The following MECOM variants were observed in gnomAD, a reference collection of about 807,000 sequenced individuals.
MECOM encodes the protein histone-lysine N-methyltransferase MECOM.
In MECOM, 13 loss-of-function variants were observed where a neutral mutation model predicts 116.3. The observed-to-expected ratio is 0.11, with a 90% CI of 0.07 to 0.18. The LOEUF is 0.18. Among genes scored for constraint, MECOM ranks in the 10% least tolerant of loss-of-function variants. The pLI, the probability that MECOM is intolerant of heterozygous loss-of-function variation, is 1.00. For missense variants in MECOM, 1,299 were observed against 1,509.0 expected (o/e 0.86, Z 2.31); for synonymous variants, 528 against 535.2 (o/e 0.99, Z 0.19).
rs765295353 is a variant in MECOM at position 169,115,604 on chromosome 3, T to C, written c.2268A>G (p.Pro756=). The change falls in exon 8 of 17, where the codon CCA becomes CCG. Residue 756 remains proline, a synonymous_variant. Coordinates refer to ENST00000651503, the MANE Select transcript of MECOM (RefSeq NM_004991.4). ...TKRKDEKPLT[P]VPSKPPVTPA... is the part of the protein sequence containing the mutation. ...GTGTCACTGGAGGCTTGGAGGGGAC[T>C]GGAGTCAAGGGCTTCTCATCCTTTC... The C allele has an allele frequency of 3.8e-5, 62 of 1,614,032 alleles. No individual in the cohort carries two copies. Among genetic ancestry groups the C allele is most frequent in the Non-Finnish European group, 5.3e-5 (62 of 1,180,016 alleles).
intron 2 of MECOM, among the ~76,000 whole-genome samples, chr3:169,340,530 T>G (rs943123286): frequency 9.9e-5 from 15 of 152,208 alleles, no homozygotes; most frequent in African/African-American, 3.6e-4. Context: ...TCTCATCTGG[T>G]TGGTGTCACC....
At chr3:169,283,591 T>C (rs540449277) in intron 2 of MECOM, among the ~76,000 whole-genome samples, 22 of 152,188 alleles carry the variant, frequency 1.4e-4, no homozygotes, top group Non-Finnish European at 3.1e-4. Context: ...ATTATAGATC[T>C]CATCTCCAGA....
intron 1 of MECOM, among the ~76,000 whole-genome samples, chr3:169,448,674 T>C (rs867938284): frequency 6.6e-6 from 1 of 152,212 alleles, no homozygotes; most frequent in African/African-American, 2.4e-5. Flanking sequence ...TTTCACTGCA[T>C]ATGGCAGCAA....
intron 1 of MECOM, among the ~76,000 whole-genome samples, chr3:169,661,937 TC>T (rs1244380323): frequency 6.6e-6 from 1 of 152,156 alleles, no homozygotes; most frequent in African/African-American, 2.4e-5. Context: ...GCCTGTCCAC[TC>T]CCGAGGCAGC....
At chr3:169,167,978 T>C (rs1003528130) in intron 2 of MECOM, among the ~76,000 whole-genome samples, 3 of 134,910 alleles carry the variant, frequency 2.2e-5, no homozygotes, top group African/African-American at 7.6e-5. Flanking sequence ...TTCTTCTACA[T>C]CCATGAGCAA....
chr3:169,132,158 C>T (rs979574326), intron 3 of MECOM, among the ~76,000 whole-genome samples: 2 of 152,176 alleles, frequency 1.3e-5, no homozygotes, highest in African/African-American at 4.8e-5. Context: ...TGAAAGTAGG[C>T]ATTATGCATT....
chr3:169,234,084 T>C lies in MECOM; in HGVS notation c.376-90252A>G, dbSNP rs533090271. Among the ~76,000 whole-genome samples the C allele has an allele frequency of 5.3e-5, 8 of 152,284 alleles. 1 individual carries two copies. The highest frequency in any genetic ancestry group is 1.9e-4 in the African/African-American group (8 of 41,566). Reference sequence around the variant, plus strand: ...AAATGTGTCCCTTCAGGTCAACTTCTTATAGAAATGTTTATGGTATAATTT... The same window carrying C: ...AAATGTGTCCCTTCAGGTCAACTTCCTATAGAAATGTTTATGGTATAATTT... On this transcript the variant is annotated intron_variant, in intron 2 of 16. Transcript: ENST00000651503.
At chr3:169,209,917 A>C (rs1157190378) in intron 2 of MECOM, among the ~76,000 whole-genome samples, 3 of 152,216 alleles carry the variant, frequency 2.0e-5, no homozygotes, top group Non-Finnish European at 4.4e-5. Context: ...TGTTTATTGC[A>C]GCACTATTTA....
chr3:169,485,915 G>C (rs1260239818), intron 1 of MECOM, among the ~76,000 whole-genome samples: 8 of 45,630 alleles, frequency 1.8e-4, no homozygotes, highest in Admixed American at 1.5e-3. Flanking sequence ...ATATATGTAT[G>C]TATATATAGT....
intron 2 of MECOM, among the ~76,000 whole-genome samples, chr3:169,231,305 G>C (rs12494105): frequency 0.34 from 52,042 of 151,930 alleles, 9,762 homozygotes; most frequent in Middle Eastern, 0.52. Context: ...ACACCTACTT[G>C]CACCAGACAC....
intron 1 of MECOM, among the ~76,000 whole-genome samples, chr3:169,386,245 T>C (rs373850536): frequency 5.9e-5 from 9 of 152,296 alleles, no homozygotes; most frequent in African/African-American, 2.2e-4. Flanking sequence ...ATACCAATAA[T>C]AGTAACTTCC....
intron 7 of MECOM, among the ~76,000 whole-genome samples, chr3:169,118,757 G>A (rs1378530355): frequency 6.6e-6 from 1 of 151,800 alleles, no homozygotes; most frequent in Non-Finnish European, 1.5e-5. Context: ...CTCTCTATTG[G>A]AGTAACAGAA....
At chr3:169,589,400 C>A (rs969516339) in intron 1 of MECOM, among the ~76,000 whole-genome samples, 1 of 152,082 alleles carries the variant, frequency 6.6e-6, no homozygotes, top group Non-Finnish European at 1.5e-5. Context: ...ATTCGGCCAT[C>A]CCATATCCCT....
At chr3:169,401,846 A>C (rs1388730845) in intron 1 of MECOM, among the ~76,000 whole-genome samples, 1 of 152,254 alleles carries the variant, frequency 6.6e-6, no homozygotes, top group Non-Finnish European at 1.5e-5. Flanking sequence ...GTAGGTGCAC[A>C]TGCAGAGAAA....
chr3:169,620,121 G>C (rs1442850707), intron 1 of MECOM, among the ~76,000 whole-genome samples: 1 of 152,224 alleles, frequency 6.6e-6, no homozygotes, highest in Non-Finnish European at 1.5e-5. Flanking sequence ...CTTAGAAGGG[G>C]ACAGAATTCT....
chr3:169,238,993 G>C (rs979729512), intron 2 of MECOM, among the ~76,000 whole-genome samples: 2 of 151,938 alleles, frequency 1.3e-5, no homozygotes, highest in African/African-American at 2.4e-5. Flanking sequence ...AATGAGAATC[G>C]ATAATAATAG....
chr3:169,145,017 C>G (rs1174319892), intron 2 of MECOM: 1 of 1,558,852 alleles, frequency 6.4e-7, no homozygotes, highest in East Asian at 2.4e-5. Context: ...AAGAAAAACC[C>G]AGTGCTCCAA....
chr3:169,144,972 T>G (rs73167967), intron 2 of MECOM: 118,689 of 1,552,246 alleles, frequency 0.076, 5,987 homozygotes, highest in South Asian at 0.21. Flanking sequence ...AATCACCCAA[T>G]TGCAGATTCA....
intron 10 of MECOM, among the ~76,000 whole-genome samples, chr3:169,104,129 T>C (rs1202455835): frequency 1.3e-5 from 2 of 152,132 alleles, no homozygotes; most frequent in Non-Finnish European, 2.9e-5. Context: ...TAAAACATTC[T>C]CCACAGATGC....
Sources: gnomAD v4.1 joint callset for allele counts (sites outside exome capture counted in the v4.1 genomes callset) on GRCh38, gnomAD v4.1.1 for gene constraint, MANE v1.5 for transcripts, NCBI Gene and HGNC (gene_info 2026-07-23, HGNC 2026-07-21) for gene names.